Variants in NUP88 observed in about 807,000 individuals in gnomAD.
NUP88 encodes the protein nucleoporin 88, also known as nuclear pore complex protein Nup88.
NUP88 carries 57 observed loss-of-function variants against 93.9 expected under a neutral mutation model. That is an observed-to-expected ratio of 0.61 (90% CI 0.49 to 0.76). The LOEUF is 0.76. NUP88 is among the 30% of genes least tolerant of loss of function. NUP88 has a pLI of 0.00. For missense variants in NUP88, 911 were observed against 901.0 expected, an observed-to-expected ratio of 1.01 and a Z score of -0.14; for synonymous variants, 346 against 336.8, an observed-to-expected ratio of 1.03 and a Z score of -0.30.
intron 8 of NUP88, among the ~76,000 whole-genome samples, chr17:5,396,197 G>C (rs1367135311): frequency 6.6e-6 from 1 of 151,956 alleles, no homozygotes; most frequent in African/African-American, 2.4e-5. Flanking sequence ...GGCAACAAGA[G>C]TGAAACTCCG....
intron 8 of NUP88, among the ~76,000 whole-genome samples, chr17:5,395,313 T>C (rs1912703450): frequency 7.8e-6 from 1 of 127,618 alleles, no homozygotes; most frequent in African/African-American, 3.1e-5. Context: ...CAGAAGTGTT[T>C]TGGATTTCAC....
intron 9 of NUP88, among the ~76,000 whole-genome samples, chr17:5,394,438 G>A (rs1306092641): frequency 6.6e-6 from 1 of 152,254 alleles, no homozygotes; most frequent in East Asian, 1.9e-4. Flanking sequence ...TGCAGTGAAG[G>A]GCAGACACAG....
chr17:5,387,527 T>C lies in NUP88; in HGVS notation c.1836-61A>G, dbSNP rs1912094086. The C allele has an allele frequency of 2.5e-6, 4 of 1,583,660 alleles. No homozygotes were observed. In the South Asian group the frequency reaches 4.4e-5, roughly 18 times the overall value. ...ACCCCTTGATGCTGAAACCACCTAA[T>C]GTGGCTCAGCATCTTAGGGTGAGAA... On this transcript the variant is annotated intron_variant, in intron 13 of 16. Transcript: ENST00000573584.
At chr17:5,392,322 G>A (rs1430151549) in intron 9 of NUP88, among the ~76,000 whole-genome samples, 2 of 152,098 alleles carry the variant, frequency 1.3e-5, no homozygotes, top group African/African-American at 4.8e-5. Context: ...CTTCCCCTCA[G>A]CTTGCAAACT....
intron 3 of NUP88, among the ~76,000 whole-genome samples, chr17:5,412,484 T>A (rs1258890265): frequency 1.3e-5 from 2 of 151,978 alleles, no homozygotes; most frequent in Non-Finnish European, 1.5e-5. Context: ...CTATCTACAG[T>A]TTCAGGCATT....
chr17:5,413,803 G>A (rs1207243462), intron 3 of NUP88, among the ~76,000 whole-genome samples: 1 of 152,218 alleles, frequency 6.6e-6, no homozygotes, highest in Non-Finnish European at 1.5e-5. Flanking sequence ...GGAGATACCT[G>A]GAGGCAGGAA....
intron 5 of NUP88, among the ~76,000 whole-genome samples, chr17:5,407,569 GTA>G (rs1298547496): frequency 6.6e-6 from 1 of 152,196 alleles, no homozygotes; most frequent in African/African-American, 2.4e-5. Flanking sequence ...TTCTTATCCT[GTA>G]TAGACTCTCT....
intron 9 of NUP88, among the ~76,000 whole-genome samples, chr17:5,392,034 C>G (rs374280294): frequency 6.6e-6 from 1 of 152,248 alleles, no homozygotes; most frequent in Non-Finnish European, 1.5e-5. Context: ...TACCGAGTCT[C>G]TCTCAATGAG....
chr17:5,385,496 G>GC lies in NUP88; in HGVS notation c.*709dup. The stretch of plus-strand genomic sequence containing the variant: ...GTAGTACCTTTCAGAACTCACATTG[G>GC]CAAGTGTAAAAAGATGACTTAAGGT... On this transcript the variant is annotated 3_prime_UTR_variant, in exon 17 of 17. Transcript: ENST00000573584. 4.3e-6 allele frequency: 1 copy of GC among 230,584 alleles called. No individual in the cohort carries two copies. The highest frequency in any genetic ancestry group is 8.6e-6 in the Non-Finnish European group (1 of 116,468). The allele number at this position is 230,584 out of a possible 1,614,324, so 14.3% of individuals were successfully genotyped here. A position where few individuals can be genotyped will look rare whatever the true frequency, so the allele number is the denominator to read the frequency against.
chr17:5,392,543 A>T (rs1056073472), intron 9 of NUP88, among the ~76,000 whole-genome samples: 7 of 152,258 alleles, frequency 4.6e-5, no homozygotes, highest in Admixed American at 1.3e-4. Context: ...TATCAGTGTG[A>T]AATCTACACA....
intron 8 of NUP88, among the ~76,000 whole-genome samples, chr17:5,395,875 T>C (rs1912744702): frequency 6.6e-6 from 1 of 152,188 alleles, no homozygotes; most frequent in South Asian, 2.1e-4. Flanking sequence ...ATTTAAAGTA[T>C]ACCCATTAAA....
chr17:5,387,196 G>T (rs1912056555), intron 14 of NUP88, 86 bp from the exon 15 acceptor site: 8 of 1,498,816 alleles, frequency 5.3e-6, no homozygotes, highest in South Asian at 1.2e-5. Flanking sequence ...TCATGAATCT[G>T]GTGTTTCTGA....
At chr17:5,403,898 G>A (rs1913322584) in intron 7 of NUP88, among the ~76,000 whole-genome samples, 1 of 152,118 alleles carries the variant, frequency 6.6e-6, no homozygotes. Flanking sequence ...CTGGACCAAA[G>A]ACCACTATTT....
At chr17:5,419,289 C>G (rs1914434158) in intron 1 of NUP88, 65 bp downstream of exon 1, 16 of 1,471,968 alleles carry the variant, frequency 1.1e-5, no homozygotes, top group African/African-American at 1.4e-5. Flanking sequence ...CCAAGAGGAG[C>G]AAGGAACAAA....
intron 8 of NUP88, among the ~76,000 whole-genome samples, chr17:5,395,745 T>C (rs1293177392): frequency 6.6e-6 from 1 of 151,780 alleles, no homozygotes; most frequent in Non-Finnish European, 1.5e-5. Flanking sequence ...CTCGAACTCC[T>C]GAACTCAGGT....
At chr17:5,407,203 T>C (rs759724494) in intron 5 of NUP88, among the ~76,000 whole-genome samples, 42 of 152,322 alleles carry the variant, frequency 2.8e-4, no homozygotes, top group South Asian at 2.1e-4. Context: ...TTTTGCGTAC[T>C]CTCTTCTCTC....
chr17:5,399,193 T>A (rs1157516287), intron 8 of NUP88, among the ~76,000 whole-genome samples: 1 of 47,902 alleles, frequency 2.1e-5, no homozygotes, highest in Non-Finnish European at 4.0e-5. Context: ...ACCCGGCCTT[T>A]TTTTTTTTTT....
chr17:5,399,513 C>A, intron 8 of NUP88, 39 bp downstream of exon 8: 1 of 1,018,608 alleles, frequency 9.8e-7, no homozygotes, highest in South Asian at 1.4e-5. Context: ...TATTTTTCCT[C>A]TGAAATCTAT....
chr17:5,408,470 C>T (rs919203776), intron 5 of NUP88, among the ~76,000 whole-genome samples: 8 of 152,158 alleles, frequency 5.3e-5, no homozygotes, highest in African/African-American at 9.7e-5. Context: ...AGCACTTGTT[C>T]GGATAACTAG....
Sources: allele counts gnomAD v4.1 joint callset (sites outside exome capture counted in the v4.1 genomes callset), GRCh38; gene constraint gnomAD v4.1.1; transcripts MANE v1.5; gene names NCBI Gene and HGNC (gene_info 2026-07-23, HGNC 2026-07-21).